NEGR1: variants seen among roughly 807,000 people sequenced by gnomAD.
NEGR1 encodes neuronal growth regulator 1, also known as IgLON family member 4.
A neutral mutation model predicts 40.9 loss-of-function variants in NEGR1; 10 were observed. The ratio of observed to expected loss-of-function variants is 0.24; its 90% CI spans 0.15 to 0.42. NEGR1 has a LOEUF of 0.42. NEGR1 is among the 10% of genes least tolerant of loss of function. NEGR1 has a pLI of 1.00. For missense variants in NEGR1, 352 were observed against 438.9 expected, an observed-to-expected ratio of 0.80 and a Z score of 1.77; for synonymous variants, 185 against 166.8, an observed-to-expected ratio of 1.11 and a Z score of -0.84.
chr1:72,024,102 C>A (rs1003247884), intron 1 of NEGR1, among the ~76,000 whole-genome samples: 1 of 152,014 alleles, frequency 6.6e-6, no homozygotes, highest in African/African-American at 2.4e-5. Context: ...AAGGCAACAC[C>A]CTTGTTCAAA....
At chr1:72,224,914 T>C (rs1279086686) in intron 1 of NEGR1, among the ~76,000 whole-genome samples, 2 of 152,078 alleles carry the variant, frequency 1.3e-5, no homozygotes, top group Non-Finnish European at 2.9e-5. Context: ...ATTAACATCA[T>C]GAATTATGTT....
chr1:71,530,795 T>G lies in NEGR1; in HGVS notation c.940+62022A>C, dbSNP rs150107635. Among the ~76,000 whole-genome samples the G allele has an allele frequency of 1.0e-3, 154 of 151,364 alleles. 1 individual carries two copies. Among genetic ancestry groups the G allele is most frequent in the African/African-American group, 3.6e-3 (149 of 41,422 alleles). ...TTTTAGAAGTCGTGCCAACAATTAT[T>G]ATGTCTCAGAGTGCTTGAAAGGCTA... On this transcript the variant is annotated intron_variant, in intron 6 of 6. Transcript: ENST00000357731.
intron 1 of NEGR1, among the ~76,000 whole-genome samples, chr1:71,987,757 TATG>T (rs987545583): frequency 6.8e-6 from 1 of 147,864 alleles, no homozygotes; most frequent in Admixed American, 6.8e-5. Flanking sequence ...TCTGGAATAA[TATG>T]ATGAATTGAA....
intron 6 of NEGR1, among the ~76,000 whole-genome samples, chr1:71,496,861 G>T (rs1230538048): frequency 1.3e-5 from 2 of 152,064 alleles, no homozygotes; most frequent in Admixed American, 1.3e-4. Context: ...TACTTTTTAA[G>T]CAGTCTTCAT....
At chr1:71,922,019 G>C (rs1383748368) in intron 2 of NEGR1, among the ~76,000 whole-genome samples, 2 of 152,052 alleles carry the variant, frequency 1.3e-5, no homozygotes, top group East Asian at 1.9e-4. Context: ...ACATGAAGGA[G>C]AGAACCTCAG....
chr1:71,549,418 C>G (rs1648003085), intron 6 of NEGR1, among the ~76,000 whole-genome samples: 1 of 151,602 alleles, frequency 6.6e-6, no homozygotes, highest in Non-Finnish European at 1.5e-5. Flanking sequence ...CACAGAAGCC[C>G]CACGATCAAA....
At chr1:72,005,936 C>A (rs1461204955) in intron 1 of NEGR1, among the ~76,000 whole-genome samples, 1 of 152,082 alleles carries the variant, frequency 6.6e-6, no homozygotes, top group African/African-American at 2.4e-5. Context: ...CCAACCTTTT[C>A]TAATACAATT....
intron 3 of NEGR1, among the ~76,000 whole-genome samples, chr1:71,708,226 T>C (rs1653968824): frequency 2.0e-5 from 3 of 151,768 alleles, no homozygotes. Flanking sequence ...GGATTCAACA[T>C]AGCTATGTTG....
At chr1:71,779,453 T>G (rs1402170103) in intron 2 of NEGR1, among the ~76,000 whole-genome samples, 3 of 152,238 alleles carry the variant, frequency 2.0e-5, no homozygotes, top group Non-Finnish European at 2.9e-5. Flanking sequence ...AGGTAAAACT[T>G]CTGGGTTTAA....
intron 4 of NEGR1, among the ~76,000 whole-genome samples, chr1:71,627,767 C>T (rs1650834942): frequency 6.6e-6 from 1 of 152,020 alleles, no homozygotes; most frequent in Non-Finnish European, 1.5e-5. Context: ...TCAAAATCTC[C>T]TATGTACCAA....
intron 6 of NEGR1, among the ~76,000 whole-genome samples, chr1:71,446,645 G>A (rs1646584428): frequency 6.6e-6 from 1 of 152,094 alleles, no homozygotes; most frequent in Non-Finnish European, 1.5e-5. Context: ...TGTTCATAAT[G>A]GAATCTGGTT....
At chr1:71,443,389 A>G (rs1646561021) in intron 6 of NEGR1, among the ~76,000 whole-genome samples, 1 of 152,158 alleles carries the variant, frequency 6.6e-6, no homozygotes, top group Admixed American at 6.5e-5. Context: ...ATACGTTGCT[A>G]TCTAATGCCT....
intron 4 of NEGR1, among the ~76,000 whole-genome samples, chr1:71,635,486 A>G (rs950143224): frequency 6.6e-6 from 1 of 152,162 alleles, no homozygotes; most frequent in African/African-American, 2.4e-5. Context: ...CAAGATGAGA[A>G]GGGGTTTGAG....
chr1:71,622,702 T>C (rs934239576), intron 4 of NEGR1, among the ~76,000 whole-genome samples: 2 of 151,806 alleles, frequency 1.3e-5, no homozygotes, highest in African/African-American at 4.8e-5. Flanking sequence ...ACATTCGAGA[T>C]AGGTGAAGTC....
chr1:71,804,420 C>T (rs1231518127), intron 2 of NEGR1, among the ~76,000 whole-genome samples: 3 of 150,836 alleles, frequency 2.0e-5, no homozygotes, highest in African/African-American at 7.3e-5. Flanking sequence ...TACGTAGACA[C>T]CAGCCAGTTT....
chr1:71,707,061 C>A (rs913417834), intron 3 of NEGR1, among the ~76,000 whole-genome samples: 1 of 152,092 alleles, frequency 6.6e-6, no homozygotes, highest in East Asian at 1.9e-4. Context: ...TTTAAACCAG[C>A]CCTAGCCAGA....
intron 3 of NEGR1, among the ~76,000 whole-genome samples, chr1:71,763,286 G>A (rs763576962): frequency 3.3e-5 from 5 of 152,010 alleles, no homozygotes; most frequent in African/African-American, 4.8e-5. Context: ...TTATGCCACC[G>A]CTTGTGTGGA....
chr1:71,599,922 G>T (rs1649858420), intron 5 of NEGR1, among the ~76,000 whole-genome samples: 1 of 151,972 alleles, frequency 6.6e-6, no homozygotes, highest in African/African-American at 2.4e-5. Context: ...CTGGCAACCT[G>T]GCCTATGACT....
chr1:72,261,019 G>A (rs1297392405), intron 1 of NEGR1, among the ~76,000 whole-genome samples: 1 of 151,932 alleles, frequency 6.6e-6, no homozygotes, highest in Non-Finnish European at 1.5e-5. Context: ...ACAGTTAGTT[G>A]AATTTTAGAA....
Sources: gnomAD v4.1 joint callset for allele counts (sites outside exome capture counted in the v4.1 genomes callset) on GRCh38, gnomAD v4.1.1 for gene constraint, MANE v1.5 for transcripts, NCBI Gene and HGNC (gene_info 2026-07-23, HGNC 2026-07-21) for gene names.